GBP6: variants seen among roughly 807,000 people sequenced by gnomAD.
GBP6 encodes the protein guanylate binding protein family member 6.
Under a neutral mutation model 61.5 loss-of-function variants are expected in GBP6, and 54 were observed. That is an observed-to-expected ratio of 0.88 (90% CI 0.71 to 1.10). The LOEUF is 1.10. GBP6 is among the 50% of genes least tolerant of loss of function. The probability of loss-of-function intolerance (pLI) is 0.00; values close to 1 mark genes in which losing one functional copy is unlikely to be tolerated. For missense variants in GBP6, 748 were observed against 752.8 expected (o/e 0.99, Z 0.07); for synonymous variants, 255 against 273.7 (o/e 0.93, Z 0.67).
chr1:89,367,539 G>A (rs1217539955), intron 1 of GBP6, among the ~76,000 whole-genome samples: 1 of 152,064 alleles, frequency 6.6e-6, no homozygotes, highest in African/African-American at 2.4e-5. Flanking sequence ...TGAGTTTTAG[G>A]AGTTCTTTAT....
chr1:89,380,964 G>A (rs1001827336), intron 6 of GBP6, among the ~76,000 whole-genome samples: 45 of 152,082 alleles, frequency 3.0e-4, no homozygotes, highest in African/African-American at 1.1e-3. Flanking sequence ...TTTGCCAAGA[G>A]AATAGAAAAG....
chr1:89,373,007 T>C (rs1331340172), intron 3 of GBP6, among the ~76,000 whole-genome samples: 2 of 152,048 alleles, frequency 1.3e-5, no homozygotes, highest in East Asian at 1.9e-4. Flanking sequence ...GGGCAAAGGA[T>C]ATGAACAGAC....
intron 6 of GBP6, 67 bp from the exon 7 acceptor site, chr1:89,381,627 A>C: frequency 6.6e-7 from 1 of 1,509,824 alleles, no homozygotes; most frequent in South Asian, 1.3e-5. Context: ...TGTGCTCAGA[A>C]ATGTAGCCTA....
intron 3 of GBP6, among the ~76,000 whole-genome samples, chr1:89,374,602 C>A (rs193288089): frequency 7.3e-4 from 111 of 152,204 alleles, no homozygotes; most frequent in Admixed American, 1.3e-3. Flanking sequence ...TTTTTAACTC[C>A]TTTGGTAATA....
intron 1 of GBP6, among the ~76,000 whole-genome samples, chr1:89,367,169 T>C (rs115602827): frequency 1.3e-3 from 205 of 152,290 alleles, no homozygotes; most frequent in Admixed American, 2.7e-3. Context: ...GGAGTGTATA[T>C]GTAGAAGTAG....
At chr1:89,379,359 T>C (rs1570468556) in intron 5 of GBP6, among the ~76,000 whole-genome samples, 1 of 132,994 alleles carries the variant, frequency 7.5e-6, no homozygotes, top group African/African-American at 2.8e-5. Flanking sequence ...GGGGGGGGGG[T>C]CATATTTCAA....
At chr1:89,385,005 C>T (rs1250657306) in intron 10 of GBP6, among the ~76,000 whole-genome samples, 5 of 152,124 alleles carry the variant, frequency 3.3e-5, no homozygotes, top group South Asian at 2.1e-4. Flanking sequence ...AGAATTTGTC[C>T]TCATACCTAG....
At chr1:89,383,532 G>A in intron 8 of GBP6, 120 bp from the exon 9 acceptor site, 1 of 697,256 alleles carries the variant, frequency 1.4e-6, no homozygotes, top group Non-Finnish European at 2.5e-6. Context: ...ACTTTGTAGG[G>A]GGCCACTTTA....
chr1:89,384,041 G>A (rs956949047), intron 9 of GBP6, 52 bp from the exon 10 acceptor site: 2 of 1,497,084 alleles, frequency 1.3e-6, no homozygotes, highest in Admixed American at 4.6e-5. Flanking sequence ...GAAAAGTGGA[G>A]ATGAATCTTC....
chr1:89,384,112 G>A lies in GBP6; in HGVS notation c.1488G>A (p.Glu496=). 1 of 1,612,888 alleles carries A rather than the reference G, an allele frequency of 6.2e-7. No individual in the cohort carries two copies. The highest frequency in any genetic ancestry group is 2.2e-5 in the East Asian group (1 of 44,872). Residue 496 remains glutamate, a synonymous_variant, in exon 10 of 11, where the codon GAG becomes GAA. Coordinates refer to ENST00000370456, the MANE Select transcript of GBP6 (RefSeq NM_198460.3). Reference sequence around the variant, plus strand: ...GAGCAGTGGATCGGGCCAAGAAGGAGGCAGCTGAGAAGGAACAGGAACTTT... The same window carrying A: ...GAGCAGTGGATCGGGCCAAGAAGGAAGCAGCTGAGAAGGAACAGGAACTTT... ...KAVAVDRAKK[E]AAEKEQELLK... is the part of the protein sequence containing the mutation.
chr1:89,383,387 C>A (rs779409436), intron 8 of GBP6, among the ~76,000 whole-genome samples: 1 of 152,094 alleles, frequency 6.6e-6, no homozygotes, highest in Non-Finnish European at 1.5e-5. Context: ...GGAGTTTGTA[C>A]ACCTGTGCAC....
intron 3 of GBP6, among the ~76,000 whole-genome samples, chr1:89,372,387 G>C (rs1652668674): frequency 6.6e-6 from 1 of 152,166 alleles, no homozygotes; most frequent in Admixed American, 6.5e-5. Context: ...CAAAGTTGGA[G>C]GCATCATGCT....
At chr1:89,372,359 A>G (rs185407950) in intron 3 of GBP6, among the ~76,000 whole-genome samples, 1 of 152,350 alleles carries the variant, frequency 6.6e-6, no homozygotes, top group Admixed American at 6.5e-5. Flanking sequence ...TTGCCAAGAC[A>G]GTCCTAAGCC....
chr1:89,381,620 G>A lies in GBP6; in HGVS notation c.872-74G>A. ...CGCGTGTATGTAAGTGCATGTGTGT[G>A]CTCAGAAATGTAGCCTAGGATCCCA... On this transcript the variant is annotated intron_variant, in intron 6 of 10. Transcript: ENST00000370456. 3.4e-6 allele frequency: 5 copies of A among 1,482,912 alleles called. No individual in the cohort carries two copies. In the South Asian group the frequency reaches 5.2e-5, roughly 15 times the overall value. The allele number at this position is 1,482,912 out of a possible 1,614,324, so 91.9% of individuals were successfully genotyped here. A position where few individuals can be genotyped will look rare whatever the true frequency, so the allele number is the denominator to read the frequency against.
Position 89,384,255 on chromosome 1 carries a change from A to T in GBP6, c.1631A>T (p.Glu544Val). ...ATGGAGAGAGAACACCTACTGAGAGAGCAGATTATGATGTTGGAGCACACG... is the reference window on the plus strand; with the variant it reads ...ATGGAGAGAGAACACCTACTGAGAGTGCAGATTATGATGTTGGAGCACACG... ...LQMEREHLLR[E>V]QIMMLEHTQK... Residue 544 changes from glutamate (E) to valine (V), a missense_variant, in exon 10 of 11, where the codon GAG becomes GTG. By Grantham distance (121) the Glu-to-Val change is moderately radical. Transcript: ENST00000370456. 6.2e-7 allele frequency: 1 copy of T among 1,613,622 alleles called. No individual in the cohort carries two copies. The highest frequency in any genetic ancestry group is 8.5e-7 in the Non-Finnish European group (1 of 1,179,832).
intron 3 of GBP6, among the ~76,000 whole-genome samples, chr1:89,372,684 A>C (rs1652678502): frequency 6.6e-6 from 1 of 152,202 alleles, no homozygotes; most frequent in Admixed American, 6.5e-5. Flanking sequence ...TAAAGACTTA[A>C]ATGTTAAGCC....
At chr1:89,379,195 T>C (rs1373211831) in intron 5 of GBP6, among the ~76,000 whole-genome samples, 2 of 152,088 alleles carry the variant, frequency 1.3e-5, no homozygotes, top group Non-Finnish European at 2.9e-5. Context: ...GTGTGTCACA[T>C]GGTGAGAAAG....
intron 1 of GBP6, among the ~76,000 whole-genome samples, chr1:89,365,514 G>A (rs974679585): frequency 3.3e-5 from 5 of 152,334 alleles, no homozygotes; most frequent in East Asian, 1.9e-4. Context: ...CAGCAACAGC[G>A]TGCTTGAACT....
In GBP6 at chr1:89,369,557, G is replaced by A. The variant is rs1409174687; in HGVS notation, c.202G>A (p.Gly68Ser). The change falls in exon 3 of 11, where the codon GGC becomes AGC. Residue 68 changes from glycine (G) to serine (S), a missense_variant. Transcript: ENST00000370456. ...CCTCTTCCCTGCAGGCTTCCCTCTG[G>A]GCTCCACGGTGCAGTCTGAAACCAA... is the stretch of plus-strand genomic sequence containing the variant. ...LAGQNHGFPL[G>S]STVQSETKGI... 1.2e-6 allele frequency: 2 copies of A among 1,613,724 alleles called. No individual in the cohort carries two copies. Among genetic ancestry groups the A allele is most frequent in the South Asian group, 2.2e-5 (2 of 91,040 alleles).
Sources: allele counts gnomAD v4.1 joint callset (sites outside exome capture counted in the v4.1 genomes callset), GRCh38; gene constraint gnomAD v4.1.1; transcripts MANE v1.5; gene names NCBI Gene and HGNC (gene_info 2026-07-23, HGNC 2026-07-21).